WDR19: variants seen among roughly 807,000 people sequenced by gnomAD.
WDR19 encodes the protein WD repeat-containing protein 19.
Under a neutral mutation model 180.0 loss-of-function variants are expected in WDR19, and 121 were observed. The ratio of observed to expected loss-of-function variants is 0.67; its 90% CI spans 0.58 to 0.78. The LOEUF (loss-of-function observed/expected upper bound fraction) is 0.78. Among genes scored for constraint, WDR19 ranks in the 30% least tolerant of loss-of-function variants. The pLI is 0.00. For missense variants in WDR19, 1,450 were observed against 1,640.7 expected, an observed-to-expected ratio of 0.88 and a Z score of 2.01; for synonymous variants, 497 against 540.7, an observed-to-expected ratio of 0.92 and a Z score of 1.12.
chr4:39,269,281 C>A (rs935128619), intron 30 of WDR19, among the ~76,000 whole-genome samples: 2 of 152,054 alleles, frequency 1.3e-5, no homozygotes, highest in Non-Finnish European at 2.9e-5. Flanking sequence ...GGGTGTGGAT[C>A]AAGGCTTGAG....
chr4:39,281,236 T>TATATATAGAG (rs762298152), intron 36 of WDR19, among the ~76,000 whole-genome samples: 14 of 104,036 alleles, frequency 1.3e-4, no homozygotes, highest in East Asian at 1.3e-3. Context: ...TATATATATA[T>TATATATAGAG]AGAGAGAGAG....
chr4:39,260,673 G>A (rs1734202643), intron 28 of WDR19, among the ~76,000 whole-genome samples: 1 of 152,140 alleles, frequency 6.6e-6, no homozygotes, highest in African/African-American at 2.4e-5. Flanking sequence ...AACTTGGGCT[G>A]CCATAACAAA....
chr4:39,273,795 A>T (rs964289308), intron 32 of WDR19: 1 of 152,000 alleles, frequency 6.6e-6, no homozygotes, highest in Non-Finnish European at 1.5e-5. Context: ...TAATAGCCTG[A>T]CTCTGTGTTC....
intron 4 of WDR19, among the ~76,000 whole-genome samples, chr4:39,193,892 T>G (rs1183082464): frequency 6.6e-6 from 1 of 152,226 alleles, no homozygotes; most frequent in Non-Finnish European, 1.5e-5. Flanking sequence ...TGCTGCTGGT[T>G]CTGATTTCAA....
In WDR19 at chr4:39,203,607, G is replaced by A. The variant is rs73133651; in HGVS notation, c.523-35G>A. On this transcript the variant is annotated intron_variant, in intron 6 of 36. Transcript: ENST00000399820. ...TATTCAGAATGAATTTAAATATTGG[G>A]TTTGTTCATAGTGATGATGTTTTTA... 157 of 1,531,704 alleles carry A rather than the reference G, an allele frequency of 1.0e-4. No individual in the cohort carries two copies. In the African/African-American group the frequency reaches 1.2e-3, roughly 12 times the overall value. The allele number at this position is 1,531,704 out of a possible 1,614,324, so 94.9% of individuals were successfully genotyped here.
chr4:39,283,392 G>GA (rs34687675), intron 36 of WDR19, among the ~76,000 whole-genome samples: 77,390 of 150,492 alleles, frequency 0.51, 21,314 homozygotes, highest in African/African-American at 0.73. Flanking sequence ...CCTCTGTTGT[G>GA]TTTTTTTTTC....
Position 39,214,672 on chromosome 4 carries a change from G to T in WDR19, c.961+1G>T. The T allele has an allele frequency of 6.4e-7, 1 of 1,557,252 alleles. No individual in the cohort carries two copies. Among genetic ancestry groups the T allele is most frequent in the South Asian group, 1.2e-5 (1 of 85,380 alleles). ...CTCAACCTGGATGAGGAAAATAAAG[G>T]TATTGATTTTTCTGAAGCAGATTGA... On this transcript the variant is annotated splice_donor_variant, in intron 10 of 36. Coordinates refer to ENST00000399820, the MANE Select transcript of WDR19 (RefSeq NM_025132.4). LOFTEE classifies it high-confidence loss of function.
At chr4:39,244,159 C>T in intron 21 of WDR19, 89 bp from the exon 22 acceptor site, 1 of 1,423,674 alleles carries the variant, frequency 7.0e-7, no homozygotes, top group Non-Finnish European at 9.4e-7. Context: ...AACCTTTGGA[C>T]TCATTTTAGA....
chr4:39,218,139 G>T, intron 14 of WDR19, 34 bp downstream of exon 14: 3 of 1,569,264 alleles, frequency 1.9e-6, no homozygotes, highest in South Asian at 1.2e-5. Flanking sequence ...AGAACACTGG[G>T]AATTTTTAAT....
In WDR19 at chr4:39,194,582, G is replaced by A; in HGVS notation, c.329G>A (p.Ser110Asn). Residue 110 changes from serine (S) to asparagine (N), a missense_variant, in exon 5 of 37, where the codon AGT becomes AAT. Coordinates refer to ENST00000399820, the MANE Select transcript of WDR19 (RefSeq NM_025132.4). ...MSFLLWSKVG[S>N]FLAVGTVKGN... is the part of the protein sequence containing the mutation. ...TTCCTTCTTTGGTCAAAAGTTGGAA[G>A]TTTCCTGGCTGTTGGAACTGTTAAA... 1 of 1,613,254 alleles carries A rather than the reference G, an allele frequency of 6.2e-7. No individual in the cohort carries two copies. Among genetic ancestry groups the A allele is most frequent in the Non-Finnish European group, 8.5e-7 (1 of 1,179,546 alleles).
chr4:39,203,626 G>A lies in WDR19; in HGVS notation c.523-16G>A, dbSNP rs1727602047. 6.2e-7 allele frequency: 1 copy of A among 1,604,202 alleles called. No homozygotes were observed. The highest frequency in any genetic ancestry group is 8.5e-7 in the Non-Finnish European group (1 of 1,174,098). The stretch of plus-strand genomic sequence containing the variant: ...TATTGGGTTTGTTCATAGTGATGAT[G>A]TTTTTACTCCTTTAGACACAAGTGA... On this transcript the variant is annotated splice_polypyrimidine_tract_variant and intron_variant, in intron 6 of 36. Transcript: ENST00000399820.
intron 2 of WDR19, 57 bp downstream of exon 2, chr4:39,185,874 C>G (rs1725466950): frequency 3.7e-6 from 5 of 1,344,118 alleles, no homozygotes; most frequent in Non-Finnish European, 5.1e-6. Context: ...ATCACACCAT[C>G]TACTCAGTAG....
rs1732750421 is a variant in WDR19, at chr4:39,248,255, C to T, written c.2729+2803C>T. 2.6e-5 allele frequency among the ~76,000 whole-genome samples: 4 copies of T among 152,098 alleles called. No individual in the cohort carries two copies. In the South Asian group the frequency reaches 8.3e-4, roughly 32 times the overall value. ...GAATTTCATATCCAGCCAAACTAAG[C>T]TTCATAAGTGAAGGAGAAATAAAAT... On this transcript the variant is annotated intron_variant, in intron 24 of 36. Transcript: ENST00000399820.
chr4:39,259,003 G>A (rs2109458896), intron 28 of WDR19, among the ~76,000 whole-genome samples: 1 of 152,288 alleles, frequency 6.6e-6, no homozygotes, highest in South Asian at 2.1e-4. Context: ...AGGTGGCAGA[G>A]GTTGTAGTGG....
chr4:39,228,590 A>G lies in WDR19; in HGVS notation c.1882A>G (p.Asn628Asp). 1 of 1,613,932 alleles carries G rather than the reference A, an allele frequency of 6.2e-7. No individual in the cohort carries two copies. The highest frequency in any genetic ancestry group is 8.5e-7 in the Non-Finnish European group (1 of 1,179,838). The change falls in exon 17 of 37, where the codon AAC becomes GAC. Residue 628 changes from asparagine (N) to aspartate (D), a missense_variant. Physicochemically the swap from Asn to Asp is conservative, Grantham distance 23. Coordinates refer to ENST00000399820, the MANE Select transcript of WDR19 (RefSeq NM_025132.4). ...CTGCCAAACACAGAGTGGAAAAGTAAACAACATCTACCTTAGCACCCATGG... is the reference window on the plus strand; with the variant it reads ...CTGCCAAACACAGAGTGGAAAAGTAGACAACATCTACCTTAGCACCCATGG... Reference protein sequence around the residue: ...LTCQTQSGKVNNIYLSTHGFL... With the variant: ...LTCQTQSGKVDNIYLSTHGFL...
intron 4 of WDR19, among the ~76,000 whole-genome samples, chr4:39,191,444 A>G: frequency 6.6e-6 from 1 of 152,210 alleles, no homozygotes; most frequent in East Asian, 1.9e-4. Context: ...AATAGTACCC[A>G]AAACCTATCC....
intron 21 of WDR19, among the ~76,000 whole-genome samples, chr4:39,242,705 T>C (rs1732084000): frequency 6.6e-6 from 1 of 152,194 alleles, no homozygotes; most frequent in African/African-American, 2.4e-5. Flanking sequence ...TTTCACTGTG[T>C]CGCCCAGGCT....
intron 25 of WDR19, 121 bp downstream of exon 25, chr4:39,253,413 T>C (rs1733441543): frequency 8.6e-7 from 1 of 1,164,188 alleles, no homozygotes; most frequent in Non-Finnish European, 1.2e-6. Context: ...TTTTATCAGG[T>C]CTAAGCGTTT....
At chr4:39,199,712 G>A (rs992733490) in intron 6 of WDR19, 119 bp downstream of exon 6, 2 of 719,026 alleles carry the variant, frequency 2.8e-6, no homozygotes, top group Non-Finnish European at 4.5e-6. Flanking sequence ...ATATATGTGT[G>A]TGTGTGTATA....
Sources: allele counts gnomAD v4.1 joint callset (sites outside exome capture counted in the v4.1 genomes callset), GRCh38; gene constraint gnomAD v4.1.1; transcripts MANE v1.5; gene names NCBI Gene and HGNC (gene_info 2026-07-23, HGNC 2026-07-21).